PAH: variants seen among roughly 807,000 people sequenced by gnomAD.
PAH encodes phenylalanine hydroxylase.
PAH carries 64 observed loss-of-function variants against 62.0 expected under a neutral mutation model. That is an observed-to-expected ratio of 1.03 (90% CI 0.84 to 1.27). The LOEUF is 1.27. Among genes scored for constraint, PAH ranks in the 50% most tolerant of loss-of-function variants. PAH has a pLI of 0.00. For missense variants in PAH, 579 were observed against 542.8 expected (o/e 1.07, Z -0.66); for synonymous variants, 195 against 196.2 (o/e 0.99, Z 0.05).
At chr12:102,947,814 C>T (rs1007157210) in intron 1 of PAH, among the ~76,000 whole-genome samples, 2 of 152,140 alleles carry the variant, frequency 1.3e-5, no homozygotes, top group African/African-American at 4.8e-5. Context: ...GAAATTAGCT[C>T]GTGTGGTTAT....
chr12:102,852,614 C>A lies in PAH; in HGVS notation c.842+201G>T, dbSNP rs78795840. Among the ~76,000 whole-genome samples the A allele has an allele frequency of 0.026, 4,030 of 152,234 alleles. 174 individuals carry two copies. The highest frequency in any genetic ancestry group is 0.091 in the African/African-American group (3,760 of 41,512). ...TCTGAGTTATTGGATCACAGGATGA[C>A]CAAATCTCCAATCAGTCTGGTCTAT... On this transcript the variant is annotated intron_variant, in intron 7 of 12. Transcript: ENST00000553106.
intron 2 of PAH, among the ~76,000 whole-genome samples, chr12:102,895,869 A>AATATATATATATAT (rs1555208128): frequency 1.4e-4 from 17 of 118,702 alleles, no homozygotes; most frequent in African/African-American, 5.7e-4. Flanking sequence ...AAAAAAAAAA[A>AATATATATATATAT]ATATATATAT....
intron 2 of PAH, among the ~76,000 whole-genome samples, chr12:102,897,451 A>ATGTGTG (rs34824304): frequency 2.0e-4 from 26 of 130,304 alleles, no homozygotes; most frequent in African/African-American, 7.6e-4. Flanking sequence ...TCTCATATAT[A>ATGTGTG]TGTGTGTGTG....
At chr12:102,887,112 A>G (rs1175364969) in intron 3 of PAH, among the ~76,000 whole-genome samples, 1 of 152,142 alleles carries the variant, frequency 6.6e-6, no homozygotes, top group Non-Finnish European at 1.5e-5. Flanking sequence ...GAAGAGGATG[A>G]AAAAAAGAGA....
intron 2 of PAH, among the ~76,000 whole-genome samples, chr12:102,910,652 GA>G (rs1878170490): frequency 1.3e-5 from 2 of 151,880 alleles, no homozygotes; most frequent in African/African-American, 4.9e-5. Flanking sequence ...TTACAGGCGT[GA>G]GTTGAAATTC....
At chr12:102,852,997 T>G in intron 6 of PAH, 47 bp from the exon 7 acceptor site, 1 of 1,607,892 alleles carries the variant, frequency 6.2e-7, no homozygotes, top group Non-Finnish European at 8.5e-7. Flanking sequence ...CACCACTGAG[T>G]CAGAGGCACT....
chr12:102,880,525 C>A (rs1251963774), intron 3 of PAH, among the ~76,000 whole-genome samples: 1 of 152,164 alleles, frequency 6.6e-6, no homozygotes, highest in Non-Finnish European at 1.5e-5. Context: ...CTCTCTTTTG[C>A]CTGGGAATCG....
intron 5 of PAH, among the ~76,000 whole-genome samples, chr12:102,857,903 G>T (rs946510605): frequency 6.6e-6 from 1 of 152,204 alleles, no homozygotes; most frequent in Non-Finnish European, 1.5e-5. Context: ...ATTCCGGGAA[G>T]AAACTGCATC....
intron 3 of PAH, among the ~76,000 whole-genome samples, chr12:102,892,530 G>A (rs1043432904): frequency 6.6e-6 from 1 of 152,170 alleles, no homozygotes; most frequent in Non-Finnish European, 1.5e-5. Context: ...AAAATTGGAA[G>A]CAACCAAGAT....
At chr12:102,873,858 A>C (rs1876459702) in intron 4 of PAH, among the ~76,000 whole-genome samples, 1 of 152,146 alleles carries the variant, frequency 6.6e-6, no homozygotes, top group Non-Finnish European at 1.5e-5. Flanking sequence ...GAGATAATGG[A>C]ATTTGCATAC....
chr12:102,920,392 T>G (rs1192093355), upstream of PAH, among the ~76,000 whole-genome samples: 1 of 152,212 alleles, frequency 6.6e-6, no homozygotes, highest in African/African-American at 2.4e-5. Flanking sequence ...TTTTTAACAC[T>G]GCACAGAGGT....
intron 1 of PAH, among the ~76,000 whole-genome samples, chr12:102,924,327 C>T (rs1431793560): frequency 6.6e-6 from 1 of 151,954 alleles, no homozygotes; most frequent in Non-Finnish European, 1.5e-5. Flanking sequence ...CAATCACATT[C>T]AATGTACTAT....
rs537945988 is a variant in PAH at position 102,911,818 on chromosome 12, C to T, written c.168+973G>A. On this transcript the variant is annotated intron_variant, in intron 2 of 12. Transcript: ENST00000553106. ...TGATTGCATGCCCAAACACACTGAG[C>T]ACTAAGTATGTGCACAGCCCTGACC... Among the ~76,000 whole-genome samples, 14 of 152,302 alleles carry T rather than the reference C, an allele frequency of 9.2e-5. No individual in the cohort carries two copies. The South Asian group carries it at 2.7e-3, about 29-fold the overall frequency.
chr12:102,889,975 A>G (rs1877208776), intron 3 of PAH, among the ~76,000 whole-genome samples: 1 of 152,228 alleles, frequency 6.6e-6, no homozygotes, highest in Non-Finnish European at 1.5e-5. Context: ...AATAGACCTC[A>G]AGTATTCAAA....
chr12:102,894,904 G>C lies in PAH; in HGVS notation c.183C>G (p.Asn61Lys), dbSNP rs199475634. 4 of 1,613,192 alleles carry C rather than the reference G, an allele frequency of 2.5e-6. No individual in the cohort carries two copies. In the Admixed American group the frequency reaches 6.7e-5, roughly 27 times the overall value. The change falls in exon 3 of 13, where the codon AAC (asparagine) becomes AAG (lysine). Residue 61 changes from asparagine to lysine, a missense_variant. Asn to Lys is a moderately conservative substitution (Grantham distance 94, BLOSUM62 0). Coordinates refer to ENST00000553106, the MANE Select transcript of PAH (RefSeq NM_000277.3). ...AAGGTCTAGATTCAATGTGGGTCAG[G>C]TTTACATCATTCTCCTAGAAGAGAG... The part of the protein sequence containing the change: ...VLRLFEENDV[N>K]LTHIESRPSR...
chr12:102,942,846 G>A (rs1323256875), intron 1 of PAH, among the ~76,000 whole-genome samples: 1 of 152,138 alleles, frequency 6.6e-6, no homozygotes. Context: ...ATGGTGCTGG[G>A]ATAGAGGACT....
intron 2 of PAH, among the ~76,000 whole-genome samples, chr12:102,895,867 A>ATATATATAT (rs1490050011): frequency 2.1e-4 from 26 of 126,226 alleles, no homozygotes; most frequent in African/African-American, 9.0e-4. Context: ...AAAAAAAAAA[A>ATATATATAT]AAATATATAT....
chr12:102,845,545 T>A (rs934752112), intron 9 of PAH, among the ~76,000 whole-genome samples: 1 of 152,224 alleles, frequency 6.6e-6, no homozygotes, highest in Non-Finnish European at 1.5e-5. Flanking sequence ...CAGTTCAATA[T>A]GTCCTAGAGA....
chr12:102,953,210 T>G (rs1272405939), upstream of PAH: 1 of 152,204 alleles, frequency 6.6e-6, no homozygotes, highest in African/African-American at 2.4e-5. Flanking sequence ...GGATTACACT[T>G]AAAATCCTGT....
Sources: allele counts gnomAD v4.1 joint callset (sites outside exome capture counted in the v4.1 genomes callset), GRCh38; gene constraint gnomAD v4.1.1; transcripts MANE v1.5; gene names NCBI Gene and HGNC (gene_info 2026-07-23, HGNC 2026-07-21).